FGF14: variants seen among roughly 807,000 people sequenced by gnomAD.
The protein encoded by FGF14 is fibroblast growth factor homologous factor 4.
Under a neutral mutation model 25.5 loss-of-function variants are expected in FGF14, and 5 were observed. The ratio of observed to expected loss-of-function variants is 0.20; its 90% confidence interval spans 0.10 to 0.41. The LOEUF (loss-of-function observed/expected upper bound fraction) is 0.41, where lower values mean the gene tolerates loss of function less well. Ranked by LOEUF, FGF14 falls within the 10% of genes least tolerant of loss-of-function variation. The pLI, the probability that FGF14 is intolerant of heterozygous loss-of-function variation, is 1.00. For missense variants in FGF14, 222 were observed against 320.1 expected (o/e 0.69, Z 2.34); for synonymous variants, 138 against 118.3 (o/e 1.17, Z -1.08).
intron 1 of FGF14, among the ~76,000 whole-genome samples, chr13:102,350,169 A>G (rs1594919057): frequency 6.6e-6 from 1 of 152,162 alleles, no homozygotes; most frequent in Non-Finnish European, 1.5e-5. Flanking sequence ...GGAGTTTGAC[A>G]TCAATCTGAG....
At chr13:102,289,801 G>T (rs1039655767) in intron 1 of FGF14, among the ~76,000 whole-genome samples, 1 of 152,060 alleles carries the variant, frequency 6.6e-6, no homozygotes, top group African/African-American at 2.4e-5. Flanking sequence ...CTTAGAGGAT[G>T]AATCACTGCT....
chr13:102,065,666 T>A (rs1461462933), intron 1 of FGF14, among the ~76,000 whole-genome samples: 1 of 152,074 alleles, frequency 6.6e-6, no homozygotes, highest in Non-Finnish European at 1.5e-5. Flanking sequence ...CAATCCTCAG[T>A]ATCCCTGGAT....
chr13:102,384,559 A>G (rs1302784878), intron 1 of FGF14, among the ~76,000 whole-genome samples: 1 of 152,236 alleles, frequency 6.6e-6, no homozygotes, highest in Non-Finnish European at 1.5e-5. Flanking sequence ...TGAGTCAGTC[A>G]GAATTTTATG....
intron 3 of FGF14, among the ~76,000 whole-genome samples, chr13:101,779,339 C>A (rs546054397): frequency 6.6e-6 from 1 of 152,262 alleles, no homozygotes; most frequent in South Asian, 2.1e-4. Context: ...ATATTAACAA[C>A]AATACACGTT....
intron 3 of FGF14, among the ~76,000 whole-genome samples, chr13:101,859,695 G>C (rs976271464): frequency 6.6e-6 from 1 of 152,042 alleles, no homozygotes; most frequent in Non-Finnish European, 1.5e-5. Context: ...TTGTAGTTAG[G>C]AAATACGTGT....
chr13:101,914,671 A>C (rs1298579813), intron 1 of FGF14, among the ~76,000 whole-genome samples: 2 of 152,216 alleles, frequency 1.3e-5, no homozygotes, highest in Non-Finnish European at 2.9e-5. Context: ...TTCGCCACCC[A>C]ATATGGCACA....
At chr13:102,387,732 A>G (rs1249663995) in intron 1 of FGF14, among the ~76,000 whole-genome samples, 1 of 150,072 alleles carries the variant, frequency 6.7e-6, no homozygotes, top group East Asian at 2.0e-4. Context: ...TGGTTTTTTG[A>G]GAGTTTTTGG....
intron 1 of FGF14, among the ~76,000 whole-genome samples, chr13:102,239,613 A>T (rs557317874): frequency 2.0e-5 from 3 of 152,302 alleles, no homozygotes; most frequent in Admixed American, 2.0e-4. Flanking sequence ...AACAAGTAAA[A>T]AATAAAGATT....
chr13:102,263,660 T>C (rs1414099823), intron 1 of FGF14, among the ~76,000 whole-genome samples: 1 of 152,196 alleles, frequency 6.6e-6, no homozygotes, highest in Non-Finnish European at 1.5e-5. Flanking sequence ...TAATAAATGT[T>C]AGCACAGATA....
intron 1 of FGF14, among the ~76,000 whole-genome samples, chr13:102,158,948 G>C (rs1002951830): frequency 6.6e-6 from 1 of 151,970 alleles, no homozygotes; most frequent in African/African-American, 2.4e-5. Flanking sequence ...AGACCAGCCT[G>C]ACCAACATGG....
At chr13:102,304,409 T>C (rs1392115057) in intron 1 of FGF14, among the ~76,000 whole-genome samples, 1 of 152,140 alleles carries the variant, frequency 6.6e-6, no homozygotes, top group African/African-American at 2.4e-5. Flanking sequence ...GATTCTTCCC[T>C]AACACGGGTT....
chr13:102,201,313 G>A (rs1280454509), intron 1 of FGF14, among the ~76,000 whole-genome samples: 1 of 151,928 alleles, frequency 6.6e-6, no homozygotes, highest in Non-Finnish European at 1.5e-5. Flanking sequence ...AGAGAGCTGC[G>A]AGAGAATAAC....
intron 1 of FGF14, among the ~76,000 whole-genome samples, chr13:101,882,348 C>T (rs1425237125): frequency 6.6e-6 from 1 of 151,026 alleles, no homozygotes; most frequent in East Asian, 1.9e-4. Flanking sequence ...GTTAAAGAAC[C>T]AAAGACATCT....
intron 1 of FGF14, among the ~76,000 whole-genome samples, chr13:101,900,456 AGGTACAAG>A: frequency 1.3e-5 from 2 of 152,298 alleles, no homozygotes; most frequent in Admixed American, 6.5e-5. Flanking sequence ...AAAAGAGAAA[AGGTACAAG>A]TCGTCAATCT....
intron 1 of FGF14, among the ~76,000 whole-genome samples, chr13:102,119,482 C>T (rs2045619853): frequency 1.3e-5 from 2 of 152,022 alleles, no homozygotes; most frequent in Admixed American, 1.3e-4. Context: ...GAACAGAATA[C>T]TAAACGAGGC....
At chr13:101,954,157 G>GAACT (rs1452577828) in intron 1 of FGF14, among the ~76,000 whole-genome samples, 1 of 151,848 alleles carries the variant, frequency 6.6e-6, no homozygotes, top group Admixed American at 6.6e-5. Flanking sequence ...CATTCCCATA[G>GAACT]AACTAAATGC....
At chr13:102,113,108 G>A (rs1040936073) in intron 1 of FGF14, among the ~76,000 whole-genome samples, 13 of 152,188 alleles carry the variant, frequency 8.5e-5, no homozygotes, top group Non-Finnish European at 1.8e-4. Flanking sequence ...CAGATCTAAA[G>A]ACAAATATTT....
At chr13:101,756,637 G>A (rs2037677412) in intron 3 of FGF14, among the ~76,000 whole-genome samples, 1 of 152,186 alleles carries the variant, frequency 6.6e-6, no homozygotes, top group Admixed American at 6.5e-5. Flanking sequence ...GGAGGCTGAG[G>A]CAGGAGAACT....
rs2047163087 is a variant in FGF14 at position 102,153,137 on chromosome 13, T to C, written c.208+248334A>G. Reference sequence around the variant, plus strand: ...TATCTCAAATAGGACAGAGCTTTTGTAGACATACCTGACATTTTTATATTT... The same window carrying C: ...TATCTCAAATAGGACAGAGCTTTTGCAGACATACCTGACATTTTTATATTT... On this transcript the variant is annotated intron_variant, in intron 1 of 4. Transcript: ENST00000376131. 2.0e-5 allele frequency among the ~76,000 whole-genome samples: 3 copies of C among 152,298 alleles called. 1 individual carries two copies. The South Asian group carries it at 6.2e-4, about 32-fold the overall frequency.
Sources: allele counts gnomAD v4.1 joint callset (sites outside exome capture counted in the v4.1 genomes callset), GRCh38; gene constraint gnomAD v4.1.1; transcripts MANE v1.5; gene names NCBI Gene and HGNC (gene_info 2026-07-23, HGNC 2026-07-21).